CHCHD6: variants seen among roughly 807,000 people sequenced by gnomAD.
CHCHD6 encodes the protein MICOS complex subunit MIC25.
A neutral mutation model predicts 32.3 loss-of-function variants in CHCHD6; 28 were observed. The observed-to-expected ratio is 0.87, with a 90% CI of 0.64 to 1.19. CHCHD6 has a LOEUF of 1.19. CHCHD6 is among the 50% of genes most tolerant of loss of function. The pLI, the probability that CHCHD6 is intolerant of heterozygous loss-of-function variation, is 0.00. For synonymous variants in CHCHD6, 122 were observed against 117.5 expected, an observed-to-expected ratio of 1.04 and a Z score of -0.25; for missense variants, 333 against 307.0, an observed-to-expected ratio of 1.08 and a Z score of -0.63.
intron 4 of CHCHD6, among the ~76,000 whole-genome samples, chr3:126,761,853 C>G (rs1937171723): frequency 6.6e-6 from 1 of 152,092 alleles, no homozygotes; most frequent in Non-Finnish European, 1.5e-5. Flanking sequence ...TTGAAATGTT[C>G]TATTTATTCT....
chr3:126,745,110 G>A (rs1936439014), intron 4 of CHCHD6, among the ~76,000 whole-genome samples: 2 of 152,186 alleles, frequency 1.3e-5, no homozygotes, highest in Admixed American at 6.5e-5. Flanking sequence ...GTGTCGCAGG[G>A]CCACCTCTAG....
chr3:126,775,770 T>C (rs1024407229), intron 4 of CHCHD6, among the ~76,000 whole-genome samples: 6 of 152,354 alleles, frequency 3.9e-5, no homozygotes, highest in African/African-American at 1.4e-4. Flanking sequence ...TGAAGTTGCT[T>C]CTGCGGGTTT....
At chr3:126,917,710 G>A (rs2078191992) in intron 6 of CHCHD6, among the ~76,000 whole-genome samples, 1 of 152,192 alleles carries the variant, frequency 6.6e-6, no homozygotes, top group Non-Finnish European at 1.5e-5. Context: ...GATATTAGGA[G>A]GTGGGGCCTT....
intron 5 of CHCHD6, among the ~76,000 whole-genome samples, chr3:126,877,382 C>A (rs1267151709): frequency 6.6e-6 from 1 of 152,032 alleles, no homozygotes; most frequent in Non-Finnish European, 1.5e-5. Context: ...GGTGAAACCC[C>A]ATCTCTACTA....
chr3:126,797,040 G>C (rs917674996), intron 4 of CHCHD6, among the ~76,000 whole-genome samples: 5 of 152,172 alleles, frequency 3.3e-5, no homozygotes, highest in African/African-American at 1.2e-4. Flanking sequence ...CAGAGGCTTA[G>C]ATGGATGAAC....
intron 4 of CHCHD6, 46 bp from the exon 5 acceptor site, chr3:126,852,601 G>T (rs1301631476): frequency 1.4e-6 from 2 of 1,428,486 alleles, no homozygotes; most frequent in South Asian, 2.3e-5. Context: ...CACCATTCCA[G>T]CACCATCGCT....
At chr3:126,936,945 C>T (rs762189874) in intron 6 of CHCHD6, among the ~76,000 whole-genome samples, 12 of 152,192 alleles carry the variant, frequency 7.9e-5, no homozygotes, top group Non-Finnish European at 1.3e-4. Context: ...TTGGTCCCTT[C>T]CCTCCTTCAC....
intron 6 of CHCHD6, 71 bp from the exon 7 acceptor site, chr3:126,957,345 A>C: frequency 6.4e-7 from 1 of 1,558,224 alleles, no homozygotes; most frequent in Admixed American, 1.8e-5. Flanking sequence ...AGGTGGAGTG[A>C]ATGTGAGTTG....
intron 1 of CHCHD6, among the ~76,000 whole-genome samples, chr3:126,720,081 C>T (rs1935209003): frequency 1.3e-5 from 2 of 152,122 alleles, no homozygotes; most frequent in African/African-American, 4.8e-5. Flanking sequence ...TGGGTTTCAC[C>T]ATGTTGACCA....
rs13092005 is a variant in CHCHD6 at position 126,949,547 on chromosome 3, C to G, written c.567-7869C>G. 274 of 127,904 alleles carry G rather than the reference C, an allele frequency of 2.1e-3. 3 individuals carry two copies. The highest frequency in any genetic ancestry group is 3.9e-3 in the Middle Eastern group (1 of 258). The allele number at this position is 127,904 out of a possible 1,614,324, so 7.9% of individuals were successfully genotyped here. Reference sequence around the variant, plus strand: ...CGTGGACGGAAGGGAAGGCTGCTGCCCGGACTGCCGCCGTGGACGGAAGGG... The same window carrying G: ...CGTGGACGGAAGGGAAGGCTGCTGCGCGGACTGCCGCCGTGGACGGAAGGG... On this transcript the variant is annotated intron_variant, in intron 6 of 7. Coordinates refer to ENST00000290913, the MANE Select transcript of CHCHD6 (RefSeq NM_032343.3).
At chr3:126,925,114 T>C (rs953483058) in intron 6 of CHCHD6, among the ~76,000 whole-genome samples, 2 of 152,190 alleles carry the variant, frequency 1.3e-5, no homozygotes. Context: ...AAATGAAACT[T>C]AGGAATTAGG....
At chr3:126,931,727 T>C (rs1441975079) in intron 6 of CHCHD6, among the ~76,000 whole-genome samples, 4 of 152,212 alleles carry the variant, frequency 2.6e-5, no homozygotes, top group African/African-American at 7.2e-5. Context: ...TTCTTAGTCC[T>C]CTGTTCCAAG....
intron 4 of CHCHD6, among the ~76,000 whole-genome samples, chr3:126,763,261 C>T (rs1388499694): frequency 6.7e-6 from 1 of 150,368 alleles, no homozygotes; most frequent in African/African-American, 2.5e-5. Flanking sequence ...TCCTTCCTTT[C>T]CTTCCCCTCC....
At position 126,820,405 on chromosome 3, in the gene CHCHD6, C is replaced by T. The variant is rs191808294; in HGVS notation, c.412-32242C>T. 3.3e-5 allele frequency among the ~76,000 whole-genome samples: 5 copies of T among 152,262 alleles called. No homozygotes were observed. In the East Asian group the frequency reaches 7.7e-4, roughly 24 times the overall value. On this transcript the variant is annotated intron_variant, in intron 4 of 7. Transcript: ENST00000290913. ...CTAATCATTACTCTCCAAAGAGAAC[C>T]GCTACTTGGACCTCTGCTGCCATGG...
intron 5 of CHCHD6, among the ~76,000 whole-genome samples, chr3:126,863,734 T>TCTA (rs1942079649): frequency 1.1e-5 from 1 of 87,632 alleles, no homozygotes; most frequent in Non-Finnish European, 2.3e-5. Context: ...GTCCTCCTCC[T>TCTA]CCATCACCAC....
intron 4 of CHCHD6, among the ~76,000 whole-genome samples, chr3:126,844,566 T>A (rs887085012): frequency 6.6e-6 from 1 of 152,232 alleles, no homozygotes; most frequent in African/African-American, 2.4e-5. Flanking sequence ...TATATCTTTT[T>A]CCTTTTTTCC....
intron 5 of CHCHD6, among the ~76,000 whole-genome samples, chr3:126,854,640 C>T (rs1211233075): frequency 6.6e-6 from 1 of 152,112 alleles, no homozygotes; most frequent in Non-Finnish European, 1.5e-5. Flanking sequence ...TTGACATTTC[C>T]AGCTTCTGTA....
chr3:126,897,568 G>T (rs1440775920), intron 5 of CHCHD6, among the ~76,000 whole-genome samples: 1 of 152,188 alleles, frequency 6.6e-6, no homozygotes, highest in Admixed American at 6.5e-5. Context: ...AGACAGACCT[G>T]GGTTTAAATC....
chr3:126,834,170 G>A (rs1940762837), intron 4 of CHCHD6, among the ~76,000 whole-genome samples: 1 of 150,774 alleles, frequency 6.6e-6, no homozygotes, highest in Admixed American at 6.6e-5. Context: ...ATATATTTAT[G>A]CATCATGTGC....
Sources: gnomAD v4.1 joint callset for allele counts (sites outside exome capture counted in the v4.1 genomes callset) on GRCh38, gnomAD v4.1.1 for gene constraint, MANE v1.5 for transcripts, NCBI Gene and HGNC (gene_info 2026-07-23, HGNC 2026-07-21) for gene names.